UTY: variants seen among roughly 807,000 people sequenced by gnomAD.
UTY encodes histone demethylase UTY.
In UTY, 12 loss-of-function variants were observed where a neutral mutation model predicts 32.5. That is an observed-to-expected ratio of 0.37 (90% CI 0.24 to 0.60). The LOEUF (loss-of-function observed/expected upper bound fraction) is 0.60, where lower values mean the gene tolerates loss of function less well. Ranked by LOEUF, UTY falls within the 20% of genes least tolerant of loss-of-function variation. The pLI is 0.69. For missense variants in UTY, 303 were observed against 299.2 expected (o/e 1.01, Z -0.09); for synonymous variants, 131 against 103.4 (o/e 1.27, Z -1.62).
At chrY:13,413,600 T>C (rs2071253822) in intron 5 of UTY, among the ~76,000 whole-genome samples, 1 of 34,771 alleles carries the variant, frequency 2.9e-5, no homozygotes, top group African/African-American at 1.1e-4. Flanking sequence ...AACACCCCCT[T>C]TGGGGCTTTG....
chrY:13,411,376 G>A, intron 5 of UTY, among the ~76,000 whole-genome samples: 1 of 33,975 alleles, frequency 2.9e-5, no homozygotes, highest in South Asian at 6.4e-4. Flanking sequence ...AAACATTCAA[G>A]GAAGAACAGC....
At chrY:13,470,693 A>G (rs2078415923) in intron 2 of UTY, among the ~76,000 whole-genome samples, 1 of 33,342 alleles carries the variant, frequency 3.0e-5, no homozygotes, top group Admixed American at 2.8e-4. Flanking sequence ...TAATTCACTA[A>G]TGAAGCCAAC....
intron 28 of UTY, among the ~76,000 whole-genome samples, chrY:13,236,179 G>A (rs2053849581): frequency 3.1e-5 from 1 of 32,253 alleles, no homozygotes; most frequent in Admixed American, 2.9e-4. Flanking sequence ...ATGAAATGTG[G>A]GGAAAAACAG....
At chrY:13,365,644 A>C in intron 10 of UTY, among the ~76,000 whole-genome samples, 1 of 32,129 alleles carries the variant, frequency 3.1e-5, no homozygotes, top group Non-Finnish European at 7.5e-5. Flanking sequence ...TTGTAATAAA[A>C]ATGTAATTAT....
chrY:13,276,389 C>T, intron 27 of UTY, among the ~76,000 whole-genome samples: 1 of 33,991 alleles, frequency 2.9e-5, no homozygotes, highest in Admixed American at 2.6e-4. Flanking sequence ...AAGATCTTTG[C>T]CAGGACACAT....
chrY:13,363,149 G>T, intron 10 of UTY, among the ~76,000 whole-genome samples: 1 of 32,175 alleles, frequency 3.1e-5, no homozygotes, highest in Non-Finnish European at 7.6e-5. Context: ...TGATCCACCC[G>T]CCTCGGCCTC....
intron 3 of UTY, among the ~76,000 whole-genome samples, chrY:13,465,898 G>C: frequency 3.0e-5 from 1 of 33,076 alleles, no homozygotes. Context: ...GAAAAAAGGA[G>C]GCTGTTTGCT....
intron 28 of UTY, among the ~76,000 whole-genome samples, chrY:13,235,271 C>A: frequency 3.0e-5 from 1 of 33,328 alleles, no homozygotes; most frequent in Non-Finnish European, 7.4e-5. Context: ...CCTTCCTGGG[C>A]CCCTGAGAGT....
chrY:13,357,890 G>C lies in UTY; in HGVS notation c.1556C>G (p.Pro519Arg). Residue 519 changes from proline to arginine, a missense_variant, in exon 15 of 30, where the codon CCA (proline) becomes CGA (arginine). Physicochemically the swap from Pro to Arg is moderately radical, Grantham distance 103 (BLOSUM62 -2). Coordinates refer to ENST00000545955, the MANE Select transcript of UTY (RefSeq NM_001258249.2). ...VQQVYSLCLT[P>R]QKLQHLEQLR... ...AAGAATTCATACCTGTAATTTCTGT[G>C]GTGTCAAACACAACGAATAAACTTG... The C allele has an allele frequency of 2.5e-6, 1 of 396,001 alleles. No homozygotes were observed. Among genetic ancestry groups the C allele is most frequent in the Admixed American group, 7.4e-5 (1 of 13,439 alleles).
At chrY:13,477,217 T>G in intron 2 of UTY, among the ~76,000 whole-genome samples, 1 of 33,408 alleles carries the variant, frequency 3.0e-5, no homozygotes, top group Non-Finnish European at 7.4e-5. Context: ...AACAGTGTTG[T>G]GAAATGATGT....
intron 18 of UTY, among the ~76,000 whole-genome samples, chrY:13,331,970 C>A: frequency 3.0e-5 from 1 of 33,688 alleles, no homozygotes; most frequent in South Asian, 6.5e-4. Context: ...AAGAATGGAA[C>A]CAAGTTGGAA....
chrY:13,297,485 G>C, intron 27 of UTY: 1 of 219,054 alleles, frequency 4.6e-6, no homozygotes, highest in Non-Finnish European at 6.5e-6. Context: ...TCTCTAAATT[G>C]TAATAAACAC....
chrY:13,422,075 T>C (rs978284163), intron 4 of UTY, among the ~76,000 whole-genome samples: 3 of 33,442 alleles, frequency 9.0e-5, no homozygotes, highest in Admixed American at 2.7e-4. Flanking sequence ...GATGTTGGTG[T>C]GAGGAATATA....
At chrY:13,442,794 GCC>G (rs2075312390) in intron 4 of UTY, among the ~76,000 whole-genome samples, 1 of 33,478 alleles carries the variant, frequency 3.0e-5, no homozygotes, top group Non-Finnish European at 7.4e-5. Context: ...CAAAAATCAT[GCC>G]CCCCAGGTAG....
Position 13,335,949 on chromosome Y carries a change from T to C in UTY, c.2448A>G (p.Leu816=), listed in dbSNP as rs1351932283. ...SSPNHGDSPN[L]LIADNPQLSA... is the part of the protein sequence containing the mutation. ...AGAGCTGAGGATTGTCTGCAATTAA[T>C]AAATTTGGTGAATCTCCATGGTTAG... The change falls in exon 18 of 30, where the codon TTA becomes TTG. Residue 816 remains leucine, a synonymous_variant. Coordinates refer to ENST00000545955, the MANE Select transcript of UTY (RefSeq NM_001258249.2). The C allele has an allele frequency of 7.5e-6, 3 of 399,209 alleles. No homozygotes were observed. The highest frequency in any genetic ancestry group is 1.1e-5 in the Non-Finnish European group (3 of 283,745).
chrY:13,279,923 C>G, intron 27 of UTY, among the ~76,000 whole-genome samples: 1 of 33,910 alleles, frequency 2.9e-5, no homozygotes, highest in South Asian at 6.4e-4. Context: ...ATGCAACTGA[C>G]ACACTGAAGA....
chrY:13,454,709 G>C, intron 3 of UTY, among the ~76,000 whole-genome samples: 1 of 32,041 alleles, frequency 3.1e-5, no homozygotes, highest in African/African-American at 1.2e-4. Context: ...AGGCCAAGGT[G>C]GGCAGATCAC....
intron 27 of UTY, among the ~76,000 whole-genome samples, chrY:13,267,675 T>C (rs2055942526): frequency 3.0e-5 from 1 of 33,810 alleles, no homozygotes; most frequent in Non-Finnish European, 7.3e-5. Flanking sequence ...CTATATTTAG[T>C]GCTTCCTTCG....
chrY:13,303,591 TA>T (rs2058503345), intron 24 of UTY, among the ~76,000 whole-genome samples: 1 of 33,478 alleles, frequency 3.0e-5, no homozygotes, highest in Non-Finnish European at 7.4e-5. Flanking sequence ...AATGTTTCTT[TA>T]AATTATATCT....
Sources: gnomAD v4.1 joint callset for allele counts (sites outside exome capture counted in the v4.1 genomes callset) on GRCh38, gnomAD v4.1.1 for gene constraint, MANE v1.5 for transcripts, NCBI Gene and HGNC (gene_info 2026-07-23, HGNC 2026-07-21) for gene names.